Variants in TCERG1 observed in about 807,000 individuals in gnomAD.
TCERG1 encodes TATA box binding protein (TBP)-associated factor, RNA polymerase II, S, 150kD.
Under a neutral mutation model 144.7 loss-of-function variants are expected in TCERG1, and 37 were observed. The ratio of observed to expected loss-of-function variants is 0.26; its 90% CI spans 0.20 to 0.34. The LOEUF is 0.34. TCERG1 is among the 10% of genes least tolerant of loss of function. The pLI is 1.00. For synonymous variants in TCERG1, 492 were observed against 458.2 expected (o/e 1.07, Z -0.94); for missense variants, 1,027 against 1,380.7 (o/e 0.74, Z 4.06).
At chr5:146,467,920 A>T (rs1161108443) in intron 5 of TCERG1, among the ~76,000 whole-genome samples, 1 of 152,110 alleles carries the variant, frequency 6.6e-6, no homozygotes, top group Non-Finnish European at 1.5e-5. Flanking sequence ...TGTAGTTTCA[A>T]CTTAGCGGCA....
chr5:146,458,649 A>G (rs1311545340), intron 3 of TCERG1, among the ~76,000 whole-genome samples: 1 of 150,264 alleles, frequency 6.7e-6, no homozygotes, highest in African/African-American at 2.5e-5. Context: ...ATTTTTTTAT[A>G]TTTTTAGTAG....
At chr5:146,485,080 A>G (rs1438583030) in intron 15 of TCERG1, among the ~76,000 whole-genome samples, 1 of 152,186 alleles carries the variant, frequency 6.6e-6, no homozygotes, top group Admixed American at 6.5e-5. Flanking sequence ...CTAATATTCT[A>G]CATAGACTTA....
At chr5:146,491,869 T>G (rs1019073764) in intron 15 of TCERG1, among the ~76,000 whole-genome samples, 1 of 152,238 alleles carries the variant, frequency 6.6e-6, no homozygotes, top group Admixed American at 6.5e-5. Context: ...GGTATAAGCA[T>G]GGCTGTTCAG....
In TCERG1 at chr5:146,482,677, C is replaced by T. The variant is rs1765465649; in HGVS notation, c.2023C>T (p.Pro675Ser). The T allele has an allele frequency of 6.2e-7, 1 of 1,613,084 alleles. No individual in the cohort carries two copies. The highest frequency in any genetic ancestry group is 1.7e-5 in the Admixed American group (1 of 59,946). Reference protein sequence around the residue: ...IKAARERAIVPLEARMKQFKD... With the variant: ...IKAARERAIVSLEARMKQFKD... ...AGCTGCCCGAGAAAGGGCCATTGTC[C>T]CTCTGGAGGCTCGAATGAAGCAGTT... is the stretch of plus-strand genomic sequence containing the variant. The change falls in exon 14 of 23, where the codon CCT (proline) becomes TCT (serine). Residue 675 changes from proline (P) to serine (S), a missense_variant. By Grantham distance (74) the Pro-to-Ser change is moderately conservative. Coordinates refer to ENST00000679501, the MANE Select transcript of TCERG1 (RefSeq NM_001382548.1).
intron 10 of TCERG1, among the ~76,000 whole-genome samples, chr5:146,479,437 A>C (rs1184885729): frequency 1.3e-5 from 2 of 152,160 alleles, no homozygotes; most frequent in African/African-American, 4.8e-5. Flanking sequence ...GCTCACCTTC[A>C]GCAATACTTG....
intron 2 of TCERG1, among the ~76,000 whole-genome samples, 184 bp downstream of exon 2, chr5:146,455,465 C>T (rs975844047): frequency 3.3e-5 from 5 of 152,130 alleles, no homozygotes; most frequent in Non-Finnish European, 7.4e-5. Context: ...TATGGAAATT[C>T]AGAATAGGAC....
At chr5:146,478,361 A>G (rs1257463392) in intron 9 of TCERG1, 132 bp from the exon 10 acceptor site, 1 of 903,772 alleles carries the variant, frequency 1.1e-6, no homozygotes, top group Non-Finnish European at 1.5e-6. Flanking sequence ...GTTCTCTGTA[A>G]ATAACTATTG....
intron 15 of TCERG1, among the ~76,000 whole-genome samples, chr5:146,484,339 A>G (rs748317930): frequency 1.3e-5 from 2 of 152,158 alleles, no homozygotes; most frequent in South Asian, 2.1e-4. Flanking sequence ...CACACTTCCA[A>G]CTTACTTAAT....
At position 146,453,419 on chromosome 5, in the gene TCERG1, T is replaced by C. The variant is rs373417583; in HGVS notation, c.60-1637T>C. Among the ~76,000 whole-genome samples the C allele has an allele frequency of 2.6e-4, 39 of 152,396 alleles. No homozygotes were observed. The East Asian group carries it at 6.7e-3, about 26-fold the overall frequency. On this transcript the variant is annotated intron_variant, in intron 1 of 22. Transcript: ENST00000679501. ...GTGCATCCTCTTTGTTATTCTGAAC[T>C]GTGAGGGTAAGGTATACCTATGGCT...
At chr5:146,460,602 C>T (rs934406727) in intron 4 of TCERG1, among the ~76,000 whole-genome samples, 11 of 151,664 alleles carry the variant, frequency 7.3e-5, no homozygotes, top group African/African-American at 1.9e-4. Flanking sequence ...GTAAGAAATA[C>T]GTATAAGAGA....
Position 146,508,012 on chromosome 5 carries a change from C to T in TCERG1, c.3045+56C>T. The T allele has an allele frequency of 3.2e-6, 4 of 1,238,494 alleles. No homozygotes were observed. The Middle Eastern group carries it at 5.8e-4, about 178-fold the overall frequency. The allele number at this position is 1,238,494 out of a possible 1,614,324, so 76.7% of individuals were successfully genotyped here. A position where few individuals can be genotyped will look rare whatever the true frequency, so the allele number is the denominator to read the frequency against. On this transcript the variant is annotated intron_variant, in intron 21 of 22. Transcript: ENST00000679501. ...CAGTCTATAAATACTTAAATCGGGG[C>T]CTAACAGCACTACTATCTTAACCAA...
intron 16 of TCERG1, among the ~76,000 whole-genome samples, chr5:146,494,339 C>A (rs1173107427): frequency 1.3e-5 from 2 of 152,146 alleles, no homozygotes; most frequent in Non-Finnish European, 2.9e-5. Flanking sequence ...AAGATGTCTG[C>A]AGCTTATTTC....
intron 1 of TCERG1, 109 bp downstream of exon 1, chr5:146,447,517 C>A: frequency 7.1e-7 from 1 of 1,405,420 alleles, no homozygotes. Flanking sequence ...CGGAGCCGGG[C>A]GGCCCGGGCC....
intron 16 of TCERG1, among the ~76,000 whole-genome samples, chr5:146,495,195 CAG>C: frequency 6.6e-6 from 1 of 152,078 alleles, no homozygotes; most frequent in East Asian, 1.9e-4. Flanking sequence ...TGCTTGAGAC[CAG>C]AAGTCTTTTG....
chr5:146,475,282 G>A (rs769769308), intron 9 of TCERG1, among the ~76,000 whole-genome samples: 11 of 152,198 alleles, frequency 7.2e-5, no homozygotes, highest in Non-Finnish European at 1.5e-4. Context: ...GTCTAGAAGT[G>A]TGATCAGATT....
At chr5:146,456,100 C>T (rs924980830) in intron 2 of TCERG1, among the ~76,000 whole-genome samples, 12 of 152,082 alleles carry the variant, frequency 7.9e-5, no homozygotes, top group Non-Finnish European at 1.8e-4. Context: ...CAATGATGTG[C>T]CATTTAAGTG....
In TCERG1 at chr5:146,483,632, A is replaced by G. The variant is rs1382054896; in HGVS notation, c.2163+3A>G. On this transcript the variant is annotated splice_donor_region_variant and intron_variant, in intron 15 of 22. Coordinates refer to ENST00000679501, the MANE Select transcript of TCERG1 (RefSeq NM_001382548.1). ...TCAATCCTAAAGAGAGAAAACAGGT[A>G]AAAGGAAAATGGCATTAACTAAGAA... 1 of 1,607,686 alleles carries G rather than the reference A, an allele frequency of 6.2e-7. No individual in the cohort carries two copies. Among genetic ancestry groups the G allele is most frequent in the Non-Finnish European group, 8.5e-7 (1 of 1,176,674 alleles).
At chr5:146,490,282 A>G (rs553434014) in intron 15 of TCERG1, among the ~76,000 whole-genome samples, 4 of 152,292 alleles carry the variant, frequency 2.6e-5, no homozygotes, top group East Asian at 1.9e-4. Flanking sequence ...ATTGGTAGAC[A>G]TATGTGGATT....
chr5:146,456,742 A>C (rs1044857154), intron 2 of TCERG1, among the ~76,000 whole-genome samples: 2 of 152,208 alleles, frequency 1.3e-5, no homozygotes, highest in Non-Finnish European at 2.9e-5. Flanking sequence ...CCTGCTCAAA[A>C]TGTTTTTATA....
Sources: gnomAD v4.1 joint callset for allele counts (sites outside exome capture counted in the v4.1 genomes callset) on GRCh38, gnomAD v4.1.1 for gene constraint, MANE v1.5 for transcripts, NCBI Gene and HGNC (gene_info 2026-07-23, HGNC 2026-07-21) for gene names.